The following DSG1 variants were observed in gnomAD, a reference collection of about 807,000 sequenced individuals.
DSG1 encodes desmoglein-1.
In DSG1, 39 loss-of-function variants were observed where a neutral mutation model predicts 97.5. The ratio of observed to expected loss-of-function variants is 0.40; its 90% confidence interval spans 0.31 to 0.52. The LOEUF (loss-of-function observed/expected upper bound fraction) is 0.52, where lower values mean the gene tolerates loss of function less well. Among genes scored for constraint, DSG1 ranks in the 20% least tolerant of loss-of-function variants. The pLI is 0.53. For missense variants in DSG1, 1,311 were observed against 1,295.4 expected (o/e 1.01, Z -0.18); for synonymous variants, 475 against 443.4 (o/e 1.07, Z -0.90).
Position 31,346,106 on chromosome 18 carries a change from C to G in DSG1, c.2008C>G (p.Gln670Glu). The G allele has an allele frequency of 6.2e-7, 1 of 1,613,532 alleles. No individual in the cohort carries two copies. The highest frequency in any genetic ancestry group is 8.5e-7 in the Non-Finnish European group (1 of 1,179,546). The part of the protein sequence containing the change: ...VKTSGMPEIC[Q>E]EYSGTLRRNS... ...AACTTCAGGAATGCCTGAGATATGTCAAGAATACTCTGGAACATTAAGAAG... is the reference window on the plus strand; with the variant it reads ...AACTTCAGGAATGCCTGAGATATGTGAAGAATACTCTGGAACATTAAGAAG... The change falls in exon 14 of 15, where the codon CAA (glutamine) becomes GAA (glutamate). Residue 670 changes from glutamine (Q) to glutamate (E), a missense_variant. Gln to Glu is a conservative substitution (Grantham distance 29, BLOSUM62 2). Coordinates refer to ENST00000257192, the MANE Select transcript of DSG1 (RefSeq NM_001942.4).
Position 31,357,639 on chromosome 18 carries a change from T to TC in DSG1, c.*2299dup, listed in dbSNP as rs757555311. Among the ~76,000 whole-genome samples the TC allele has an allele frequency of 1.1e-4, 16 of 151,756 alleles. No individual in the cohort carries two copies. The highest frequency in any genetic ancestry group is 2.2e-4 in the Non-Finnish European group (15 of 67,788). Reference sequence around the variant, plus strand: ...TGTCAAAATCCATTGGTTGTTAAGATCCCCCCAATTTAGTTACATCTGAAC... The same window carrying TC: ...TGTCAAAATCCATTGGTTGTTAAGATCCCCCCCAATTTAGTTACATCTGAAC... On this transcript the variant is annotated 3_prime_UTR_variant, in exon 15 of 15. Transcript: ENST00000257192.
In DSG1 at chr18:31,344,101, T is replaced by C. The variant is rs1049913166; in HGVS notation, c.1891+106T>C. On this transcript the variant is annotated intron_variant, in intron 13 of 14. Transcript: ENST00000257192. ...TATCTTATTTTTCTTCAAAAGTGTT[T>C]ATATCATTCTTTTTTAAATGACTAA... The C allele has an allele frequency of 8.3e-6, 7 of 840,332 alleles. No homozygotes were observed. In the African/African-American group the frequency reaches 8.7e-5, roughly 10 times the overall value. 52.1% of individuals were successfully genotyped at this position (840,332 alleles called of 1,614,324 possible). A position where few individuals can be genotyped will look rare whatever the true frequency, so the allele number is the denominator to read the frequency against.
At position 31,331,789 on chromosome 18, in the gene DSG1, A is replaced by T; in HGVS notation, c.606A>T (p.Glu202Asp). The T allele has an allele frequency of 6.2e-7, 1 of 1,612,860 alleles. No homozygotes were observed. The highest frequency in any genetic ancestry group is 8.5e-7 in the Non-Finnish European group (1 of 1,179,138). ...TAGCCTTCAAGATTATAAGACAAGAACCTTCAGATTCACCAATGTTTATTA... is the reference window on the plus strand; with the variant it reads ...TAGCCTTCAAGATTATAAGACAAGATCCTTCAGATTCACCAATGTTTATTA... ...SKIAFKIIRQEPSDSPMFIIN... is the reference protein window; with the variant it reads ...SKIAFKIIRQDPSDSPMFIIN... The change falls in exon 6 of 15, where the codon GAA becomes GAT. Residue 202 changes from glutamate (E) to aspartate (D), a missense_variant. This residue lies in a region of DSG1 where 259 missense variants were observed against 304.1 expected (regional missense o/e 0.85). Transcript: ENST00000257192.
At chr18:31,347,933 A>G (rs2071855605) in intron 14 of DSG1, 1 of 151,884 alleles carries the variant, frequency 6.6e-6, no homozygotes. Context: ...ATTTTTATAT[A>G]CCTCCCTCTA....
Position 31,353,645 on chromosome 18 carries a change from G to A in DSG1, c.2101-652G>A, listed in dbSNP as rs1308813722. 3.5e-4 allele frequency among the ~76,000 whole-genome samples: 53 copies of A among 151,914 alleles called. 1 individual carries two copies. Among genetic ancestry groups the A allele is most frequent in the African/African-American group, 6.5e-4 (27 of 41,468 alleles). ...AGACTCCGTGGGCGTAGGACCCTCC[G>A]AGCCAGGTGCAGGATATAATCTCGT... On this transcript the variant is annotated intron_variant, in intron 14 of 14. Coordinates refer to ENST00000257192, the MANE Select transcript of DSG1 (RefSeq NM_001942.4).
intron 13 of DSG1, 80 bp from the exon 14 acceptor site, chr18:31,345,910 C>A: frequency 9.1e-7 from 1 of 1,094,690 alleles, no homozygotes; most frequent in South Asian, 1.4e-5. Context: ...ATGAAAAAAT[C>A]ACATATTACA....
At chr18:31,339,601 A>G in intron 10 of DSG1, 143 bp from the exon 11 acceptor site, 4 of 550,552 alleles carry the variant, frequency 7.3e-6, no homozygotes, top group Non-Finnish European at 1.2e-5. Flanking sequence ...CGAGTCAAAA[A>G]CAAGGGATGA....
intron 9 of DSG1, 75 bp downstream of exon 9, chr18:31,336,688 G>A: frequency 2.1e-6 from 3 of 1,426,972 alleles, no homozygotes; most frequent in South Asian, 1.2e-5. Flanking sequence ...TAGATTATAA[G>A]TATCTGAGTT....
intron 11 of DSG1, 85 bp downstream of exon 11, chr18:31,340,110 G>T (rs1053126549): frequency 2.2e-6 from 3 of 1,367,018 alleles, no homozygotes; most frequent in Non-Finnish European, 3.1e-6. Context: ...TTGATAAAAC[G>T]TATTTTACAA....
intron 1 of DSG1, among the ~76,000 whole-genome samples, chr18:31,323,216 C>T (rs1429109137): frequency 6.6e-6 from 1 of 152,124 alleles, no homozygotes; most frequent in Non-Finnish European, 1.5e-5. Context: ...GGTAAATCTC[C>T]ATCACAGCCT....
In DSG1 at chr18:31,329,519, T is replaced by C. The variant is rs553288918; in HGVS notation, c.373-373T>C. On this transcript the variant is annotated intron_variant, in intron 4 of 14. Coordinates refer to ENST00000257192, the MANE Select transcript of DSG1 (RefSeq NM_001942.4). The stretch of plus-strand genomic sequence containing the variant: ...CCTGTTAGCTTTTCTTGGGGCATAA[T>C]GCATTTTTTTACGTCTTTATTTTTT... 3.9e-5 allele frequency among the ~76,000 whole-genome samples: 6 copies of C among 152,202 alleles called. No individual in the cohort carries two copies. The South Asian group carries it at 1.0e-3, about 26-fold the overall frequency.
rs2071968626 is a variant in DSG1 at position 31,357,395 on chromosome 18, G to A, written c.*2049G>A. ...AAAAGGTATTTATTAAGACATACTT[G>A]AGTATGCCTGGGTCCAGGAGTTTTA... On this transcript the variant is annotated 3_prime_UTR_variant, in exon 15 of 15. Transcript: ENST00000257192. Among the ~76,000 whole-genome samples the A allele has an allele frequency of 6.6e-6, 1 of 152,014 alleles. No homozygotes were observed. Among genetic ancestry groups the A allele is most frequent in the South Asian group, 2.1e-4 (1 of 4,822 alleles).
At chr18:31,333,239 G>A (rs2144095002) in intron 6 of DSG1, among the ~76,000 whole-genome samples, 1 of 152,234 alleles carries the variant, frequency 6.6e-6, no homozygotes, top group South Asian at 2.1e-4. Context: ...CTCGGGGGCT[G>A]ATTATTTAGG....
intron 1 of DSG1, among the ~76,000 whole-genome samples, chr18:31,323,918 A>G (rs1176777767): frequency 8.0e-6 from 1 of 124,994 alleles, no homozygotes; most frequent in Non-Finnish European, 1.7e-5. Flanking sequence ...AATGCATTAT[A>G]TTTTCCTATT....
chr18:31,334,100 T>C lies in DSG1; in HGVS notation c.903T>C (p.Ala301=). ...RVIDLDEEFS[A]NWMAVIFFIS... ...TTGATTTGGATGAAGAGTTCTCAGC[T>C]AACTGGATGGCAGTAATTTTCTTTA... The change falls in exon 8 of 15, where the codon GCT becomes GCC. Residue 301 remains alanine (A), a synonymous_variant. Coordinates refer to ENST00000257192, the MANE Select transcript of DSG1 (RefSeq NM_001942.4). The C allele has an allele frequency of 6.2e-7, 1 of 1,609,806 alleles. No homozygotes were observed. The highest frequency in any genetic ancestry group is 2.2e-5 in the East Asian group (1 of 44,710).
Position 31,334,046 on chromosome 18 carries a change from A to G in DSG1, c.849A>G (p.Leu283=). The change falls in exon 8 of 15, where the codon CTA becomes CTG. Residue 283 remains leucine (L), a synonymous_variant. Coordinates refer to ENST00000257192, the MANE Select transcript of DSG1 (RefSeq NM_001942.4). ...CCATAGAAATTCAAGAAAATACTCTAAATTCAAATTTGCTCGAGATTAGAG... is the reference window on the plus strand; with the variant it reads ...CCATAGAAATTCAAGAAAATACTCTGAATTCAAATTTGCTCGAGATTAGAG... ...SYTIEIQENT[L]NSNLLEIRVI... is the part of the protein sequence containing the mutation. 1 of 1,610,046 alleles carries G rather than the reference A, an allele frequency of 6.2e-7. No individual in the cohort carries two copies. The highest frequency in any genetic ancestry group is 8.5e-7 in the Non-Finnish European group (1 of 1,176,612).
At chr18:31,333,510 C>G in intron 6 of DSG1, 79 bp from the exon 7 acceptor site, 1 of 1,594,434 alleles carries the variant, frequency 6.3e-7, no homozygotes, top group Non-Finnish European at 8.6e-7. Flanking sequence ...GTTGAGCCAA[C>G]TTTTCAAAGA....
intron 12 of DSG1, 141 bp downstream of exon 12, chr18:31,343,724 A>G: frequency 7.5e-7 from 1 of 1,324,832 alleles, no homozygotes; most frequent in South Asian, 1.2e-5. Context: ...AAGAGGAATC[A>G]GAAACACAAC....
chr18:31,319,896 AT>A (rs200317591), intron 1 of DSG1, among the ~76,000 whole-genome samples: 1 of 122,360 alleles, frequency 8.2e-6, no homozygotes, highest in African/African-American at 2.7e-5. Context: ...CTGTGCCTAG[AT>A]TTTTTTTTGT....
Sources: gnomAD v4.1 joint callset for allele counts (sites outside exome capture counted in the v4.1 genomes callset) on GRCh38, gnomAD v4.1.1 for gene constraint, gnomAD v4.1.1 regional missense constraint, MANE v1.5 for transcripts, NCBI Gene and HGNC (gene_info 2026-07-23, HGNC 2026-07-21) for gene names.